The following ITIH2 variants were observed in gnomAD, a reference collection of about 807,000 sequenced individuals.
The protein encoded by ITIH2 is inter-alpha-trypsin inhibitor heavy chain 2, also known as inter-alpha-trypsin inhibitor heavy chain H2.
ITIH2 carries 103 observed loss-of-function variants against 104.4 expected under a neutral mutation model. That is an observed-to-expected ratio of 0.99 (90% CI 0.84 to 1.16). The LOEUF is 1.16. Ranked by LOEUF, ITIH2 falls within the 50% of genes most tolerant of loss-of-function variation. The pLI is 0.00. For missense variants in ITIH2, 1,108 were observed against 1,162.4 expected, an observed-to-expected ratio of 0.95 and a Z score of 0.68; for synonymous variants, 436 against 435.4, an observed-to-expected ratio of 1.00 and a Z score of -0.02.
At chr10:7,708,878 G>C (rs1834770758) in intron 3 of ITIH2, 144 bp from the exon 4 acceptor site, 2 of 703,252 alleles carry the variant, frequency 2.8e-6, no homozygotes, top group Non-Finnish European at 4.9e-6. Flanking sequence ...AACCATACAT[G>C]AATTCTGTCC....
chr10:7,738,781 A>C lies in ITIH2; in HGVS notation c.2095+23A>C, dbSNP rs1442479388. 1.3e-6 allele frequency: 2 copies of C among 1,552,384 alleles called. 1 individual carries two copies. Among genetic ancestry groups the C allele is most frequent in the South Asian group, 2.4e-5 (2 of 83,116 alleles). ...GAGGTAACGCTTCTACACTGCTTGC[A>C]CGTCCCAGAACTCAGCCGACCATAA... On this transcript the variant is annotated intron_variant, in intron 16 of 20. Transcript: ENST00000358415.
chr10:7,742,940 C>T (rs773714428), intron 16 of ITIH2, among the ~76,000 whole-genome samples: 11 of 151,982 alleles, frequency 7.2e-5, no homozygotes, highest in Non-Finnish European at 1.5e-4. Context: ...TGTAAAATAA[C>T]ATAGGGTTCT....
At chr10:7,735,188 A>G (rs979939759) in intron 15 of ITIH2, 97 bp downstream of exon 15, 6 of 1,160,224 alleles carry the variant, frequency 5.2e-6, no homozygotes, top group Non-Finnish European at 6.0e-6. Context: ...ACCCCAGCCC[A>G]CCTCTTGCTC....
At chr10:7,734,330 T>C (rs59925984) in intron 14 of ITIH2, among the ~76,000 whole-genome samples, 8,383 of 152,262 alleles carry the variant, frequency 0.055, 678 homozygotes, top group African/African-American at 0.17. Context: ...AGTGGAGACA[T>C]AGAAAATCTT....
At chr10:7,713,753 G>A (rs1422220384) in intron 5 of ITIH2, among the ~76,000 whole-genome samples, 1 of 152,056 alleles carries the variant, frequency 6.6e-6, no homozygotes, top group African/African-American at 2.4e-5. Flanking sequence ...TTTTGCCCAG[G>A]CTGGAATGCA....
chr10:7,707,374 G>A (rs535082537), intron 3 of ITIH2, 141 bp downstream of exon 3: 1 of 644,480 alleles, frequency 1.6e-6, no homozygotes, highest in South Asian at 2.0e-5. Context: ...CTGTTTGCAA[G>A]TGTTTCTAAA....
In ITIH2 at chr10:7,726,147, A is replaced by C. The variant is rs192437736; in HGVS notation, c.985-803A>C. Among the ~76,000 whole-genome samples the C allele has an allele frequency of 5.0e-4, 76 of 152,322 alleles. No individual in the cohort carries two copies. The East Asian group carries it at 9.6e-3, about 19-fold the overall frequency. Reference sequence around the variant, plus strand: ...CCGAAAGGATTGGGCTTATGAGAGAATAGGAAGAGAAGATTTGGAGACAGT... The same window carrying C: ...CCGAAAGGATTGGGCTTATGAGAGACTAGGAAGAGAAGATTTGGAGACAGT... On this transcript the variant is annotated intron_variant, in intron 9 of 20. Coordinates refer to ENST00000358415, the MANE Select transcript of ITIH2 (RefSeq NM_002216.3).
intron 5 of ITIH2, among the ~76,000 whole-genome samples, chr10:7,714,951 A>C (rs1347081914): frequency 6.6e-6 from 1 of 152,200 alleles, no homozygotes; most frequent in African/African-American, 2.4e-5. Flanking sequence ...GTTTTATAAC[A>C]GTGACTTGGG....
In ITIH2 at chr10:7,737,819, A is replaced by T. The variant is rs1244197478; in HGVS notation, c.1958-802A>T. Among the ~76,000 whole-genome samples, 104 of 18,036 alleles carry T rather than the reference A, an allele frequency of 5.8e-3. 46 individuals are homozygous for T. The highest frequency in any genetic ancestry group is 0.015 in the Admixed American group (11 of 720). 11.8% of individuals were successfully genotyped at this position (18,036 alleles called of 152,430 possible). On this transcript the variant is annotated intron_variant, in intron 15 of 20. Transcript: ENST00000358415. ...TAATATTCTATATTATATTCTATATAATATTCTATATTATATTCTATATAT... is the reference window on the plus strand; with the variant it reads ...TAATATTCTATATTATATTCTATATTATATTCTATATTATATTCTATATAT...
chr10:7,717,203 C>T (rs546793209), intron 5 of ITIH2, among the ~76,000 whole-genome samples: 5 of 152,256 alleles, frequency 3.3e-5, no homozygotes, highest in South Asian at 2.1e-4. Context: ...CCGCCTGCCT[C>T]GGCCTCCCAA....
chr10:7,722,466 C>G (rs1022154399), intron 8 of ITIH2, among the ~76,000 whole-genome samples: 1 of 152,210 alleles, frequency 6.6e-6, no homozygotes, highest in African/African-American at 2.4e-5. Flanking sequence ...TCATTAACTT[C>G]AAGAAAAATC....
At position 7,723,567 on chromosome 10, in the gene ITIH2, A is replaced by AGGGG; in HGVS notation, c.984+1_984+2insGGGG. The AGGGG allele has an allele frequency of 6.4e-7, 1 of 1,567,256 alleles. No homozygotes were observed. On this transcript the variant is annotated frameshift_variant and splice_region_variant. Transcript: ENST00000358415. LOFTEE classifies it high-confidence loss of function. ...CCATGTGGGGAGTTAAAATGAAACAAGTAAGTACCCCCTTGTTTGCAGTGG... is the reference window on the plus strand; with the variant it reads ...CCATGTGGGGAGTTAAAATGAAACAAGGGGGTAAGTACCCCCTTGTTTGCAGTGG...
Position 7,732,464 on chromosome 10 carries a change from C to T in ITIH2, c.1774C>T (p.Leu592=), listed in dbSNP as rs1355298509. The change falls in exon 14 of 21, where the codon CTG becomes TTG. Residue 592 remains leucine, a synonymous_variant. Coordinates refer to ENST00000358415, the MANE Select transcript of ITIH2 (RefSeq NM_002216.3). ...GTGGGCCTATCTAACCATCAACCAA[C>T]TGCTAGCTGAACGGTAAGAAGAGAA... ...KLWAYLTINQ[L]LAERSLAPTA... 1.2e-6 allele frequency: 2 copies of T among 1,613,586 alleles called. No individual in the cohort carries two copies. Among genetic ancestry groups the T allele is most frequent in the Non-Finnish European group, 1.7e-6 (2 of 1,179,674 alleles).
intron 20 of ITIH2, among the ~76,000 whole-genome samples, chr10:7,748,521 C>CTTTTTTTTTTCTTTTTTTTTTT (rs1835202427): frequency 3.7e-5 from 1 of 27,124 alleles, no homozygotes; most frequent in Non-Finnish European, 6.6e-5. Flanking sequence ...CCAATGCATT[C>CTTTTTTTTTTCTTTTTTTTTTT]TTTTTTTTTT....
At position 7,710,584 on chromosome 10, in the gene ITIH2, T is replaced by C. The variant is rs559491344; in HGVS notation, c.362+1393T>C. On this transcript the variant is annotated intron_variant, in intron 4 of 20. Transcript: ENST00000358415. ...ACTTCTCATCCACTTTTGTCTTTCATACACCAAGGTAATCAGTGATCATTG... is the reference window on the plus strand; with the variant it reads ...ACTTCTCATCCACTTTTGTCTTTCACACACCAAGGTAATCAGTGATCATTG... Among the ~76,000 whole-genome samples the C allele has an allele frequency of 1.1e-4, 16 of 152,356 alleles. No homozygotes were observed. In the South Asian group the frequency reaches 2.9e-3, roughly 28 times the overall value.
chr10:7,717,731 G>T lies in ITIH2; in HGVS notation c.573G>T (p.Leu191=). 1 of 1,613,172 alleles carries T rather than the reference G, an allele frequency of 6.2e-7. No individual in the cohort carries two copies. The highest frequency in any genetic ancestry group is 8.5e-7 in the Non-Finnish European group (1 of 1,179,954). The change falls in exon 6 of 21, where the codon CTG becomes CTT. Residue 191 remains leucine (L), a synonymous_variant. Transcript: ENST00000358415. ...LHYQEVKWRK[L]GSYEHRIYLQ... ...ACCAGGAGGTGAAGTGGAGGAAGCTGGGCTCCTATGAGCACAGGATCTATC... is the reference window on the plus strand; with the variant it reads ...ACCAGGAGGTGAAGTGGAGGAAGCTTGGCTCCTATGAGCACAGGATCTATC...
chr10:7,717,467 T>C (rs1173110927), intron 5 of ITIH2, among the ~76,000 whole-genome samples, 159 bp from the exon 6 acceptor site: 1 of 152,194 alleles, frequency 6.6e-6, no homozygotes, highest in Non-Finnish European at 1.5e-5. Context: ...TCAACTGATC[T>C]AGAAGCTGCA....
At chr10:7,714,163 C>CTTTTTTTTTTTT (rs1564298974) in intron 5 of ITIH2, among the ~76,000 whole-genome samples, 1 of 125,644 alleles carries the variant, frequency 8.0e-6, no homozygotes, top group African/African-American at 3.3e-5. Flanking sequence ...TGCACACTCA[C>CTTTTTTTTTTTT]TATTTTTTTT....
chr10:7,744,987 A>G, intron 19 of ITIH2, 24 bp downstream of exon 19: 1 of 1,606,604 alleles, frequency 6.2e-7, no homozygotes, highest in Non-Finnish European at 8.5e-7. Flanking sequence ...TGACCATCTG[A>G]CAAGGGTGGG....
Sources: allele counts gnomAD v4.1 joint callset (sites outside exome capture counted in the v4.1 genomes callset), GRCh38; gene constraint gnomAD v4.1.1; transcripts MANE v1.5; gene names NCBI Gene and HGNC (gene_info 2026-07-23, HGNC 2026-07-21).